The following SAMM50 variants were observed in gnomAD, a reference collection of about 807,000 sequenced individuals.
The protein encoded by SAMM50 is sorting and assembly machinery component 50 homolog.
A neutral mutation model predicts 66.9 loss-of-function variants in SAMM50; 47 were observed. That is an observed-to-expected ratio of 0.70 (90% CI 0.56 to 0.90). The LOEUF (loss-of-function observed/expected upper bound fraction) is 0.90. SAMM50 is among the 40% of genes least tolerant of loss of function. The pLI, the probability that SAMM50 is intolerant of heterozygous loss-of-function variation, is 0.00. For synonymous variants in SAMM50, 191 were observed against 214.1 expected (o/e 0.89, Z 0.94); for missense variants, 535 against 595.3 (o/e 0.90, Z 1.05).
At chr22:43,995,115 G>T (rs1001588162) in intron 14 of SAMM50, among the ~76,000 whole-genome samples, 7 of 152,200 alleles carry the variant, frequency 4.6e-5, no homozygotes, top group African/African-American at 1.7e-4. Flanking sequence ...TTAAGGCCAT[G>T]GATGTGGCTT....
At chr22:43,982,543 G>T (rs1417289887) in intron 11 of SAMM50, among the ~76,000 whole-genome samples, 1 of 152,154 alleles carries the variant, frequency 6.6e-6, no homozygotes, top group Non-Finnish European at 1.5e-5. Flanking sequence ...CCAGAGCCTG[G>T]GATGCAGCAG....
In SAMM50 at chr22:43,973,313, C is replaced by G; in HGVS notation, c.638C>G (p.Ala213Gly). ...SLRETDRGMSAEYSFPIWKTS... is the reference protein window; with the variant it reads ...SLRETDRGMSGEYSFPIWKTS... The stretch of plus-strand genomic sequence containing the variant: ...CGGGAGACGGACAGAGGAATGTCAG[C>G]TGAGTACAGTGTGAGTAGCATTTCA... Residue 213 changes from alanine to glycine, a missense_variant, in exon 7 of 15, where the codon GCT becomes GGT. Transcript: ENST00000350028. 1 of 1,591,078 alleles carries G rather than the reference C, an allele frequency of 6.3e-7. No individual in the cohort carries two copies. The highest frequency in any genetic ancestry group is 8.6e-7 in the Non-Finnish European group (1 of 1,158,996).
chr22:43,983,251 A>C lies in SAMM50; in HGVS notation c.1008-682A>C, dbSNP rs1603419889. ...CCTCTTGGCTGGAAAGATTACACAG[A>C]ATTTCTCTTGTCATTTAAATTCATT... On this transcript the variant is annotated intron_variant, in intron 11 of 14. Transcript: ENST00000350028. This position sits in a 1 kb window ranked among gnomAD's most constrained non-coding sequence, Gnocchi z 4.2. Among the ~76,000 whole-genome samples, 1 of 152,298 alleles carries C rather than the reference A, an allele frequency of 6.6e-6. No individual in the cohort carries two copies. Among genetic ancestry groups the C allele is most frequent in the East Asian group, 1.9e-4 (1 of 5,174 alleles).
chr22:43,984,651 CAG>C (rs1385407837), intron 12 of SAMM50, among the ~76,000 whole-genome samples: 3 of 139,888 alleles, frequency 2.1e-5, no homozygotes, highest in Non-Finnish European at 4.7e-5. Flanking sequence ...TATTTTGAGA[CAG>C]AGTCTCGCTC....
chr22:43,967,287 G>A (rs1319746030), intron 3 of SAMM50, among the ~76,000 whole-genome samples: 1 of 152,164 alleles, frequency 6.6e-6, no homozygotes, highest in African/African-American at 2.4e-5. Flanking sequence ...TTTCCTCATG[G>A]CATTGCCACA....
intron 3 of SAMM50, among the ~76,000 whole-genome samples, chr22:43,966,680 TCC>T (rs1175978073): frequency 2.6e-5 from 4 of 152,216 alleles, no homozygotes; most frequent in Non-Finnish European, 5.9e-5. Flanking sequence ...CTTACAGCAG[TCC>T]ATGAGACGGT....
intron 1 of SAMM50, among the ~76,000 whole-genome samples, chr22:43,956,242 T>C (rs573548992): frequency 6.6e-6 from 1 of 152,350 alleles, no homozygotes; most frequent in East Asian, 1.9e-4. Flanking sequence ...AAGGGCCAGA[T>C]AATGAGTTAC....
At chr22:43,968,226 C>CAAAAAAAAAAAAAAAAAAAAA (rs66961907) in intron 3 of SAMM50, among the ~76,000 whole-genome samples, 7 of 68,620 alleles carry the variant, frequency 1.0e-4, no homozygotes, top group Non-Finnish European at 1.1e-4. Context: ...AACTCTGTCT[C>CAAAAAAAAAAAAAAAAAAAAA]AAAAAAAAAA....
chr22:43,989,374 A>G (rs978595476), intron 13 of SAMM50, 117 bp downstream of exon 13: 13 of 1,067,376 alleles, frequency 1.2e-5, no homozygotes, highest in Non-Finnish European at 1.6e-5. Context: ...GTCTCGCTCT[A>G]TTGCCAGGCT....
intron 14 of SAMM50, among the ~76,000 whole-genome samples, chr22:43,991,314 T>C (rs1034218645): frequency 2.7e-5 from 4 of 149,280 alleles, no homozygotes; most frequent in Non-Finnish European, 5.9e-5. Context: ...GGTCTTTCTC[T>C]GTCACCCAGC....
At chr22:43,987,896 G>T (rs1555888834) in intron 12 of SAMM50, 1 of 105,946 alleles carries the variant, frequency 9.4e-6, no homozygotes, top group Non-Finnish European at 1.8e-5. Flanking sequence ...ACTGGAAACT[G>T]TGTATATATA....
intron 1 of SAMM50, among the ~76,000 whole-genome samples, chr22:43,961,966 C>T (rs1345092177): frequency 6.6e-6 from 1 of 151,984 alleles, no homozygotes; most frequent in Admixed American, 6.6e-5. Context: ...TCTCAAACTC[C>T]TAGGCTCAAG....
intron 12 of SAMM50, chr22:43,986,490 T>C (rs973831985): frequency 6.6e-6 from 1 of 152,210 alleles, no homozygotes; most frequent in Non-Finnish European, 1.5e-5. Flanking sequence ...GCTATGGAAC[T>C]TTAAAACATC....
intron 14 of SAMM50, among the ~76,000 whole-genome samples, chr22:43,991,454 G>A (rs1194969687): frequency 5.3e-5 from 8 of 151,982 alleles, no homozygotes; most frequent in African/African-American, 1.9e-4. Context: ...TGTAGAGACA[G>A]GGTTTTACCA....
At chr22:43,994,230 C>T (rs552324430) in intron 14 of SAMM50, among the ~76,000 whole-genome samples, 11 of 152,276 alleles carry the variant, frequency 7.2e-5, no homozygotes, top group South Asian at 2.1e-4. Flanking sequence ...GCGCTGTCGG[C>T]GGGCACCGGG....
chr22:43,974,882 T>G (rs900695115), intron 7 of SAMM50: 3 of 152,134 alleles, frequency 2.0e-5, no homozygotes, highest in Non-Finnish European at 4.4e-5. Context: ...AATACCTTAT[T>G]TTTTCACAAG....
chr22:43,956,128 G>A (rs998100369), intron 1 of SAMM50, among the ~76,000 whole-genome samples: 3 of 152,290 alleles, frequency 2.0e-5, no homozygotes, highest in Middle Eastern at 3.4e-3. Flanking sequence ...ACCTCGCCTG[G>A]CTTAAAAGAG....
intron 1 of SAMM50, among the ~76,000 whole-genome samples, chr22:43,956,558 C>A (rs991988193): frequency 2.0e-5 from 3 of 152,208 alleles, no homozygotes; most frequent in African/African-American, 7.2e-5. Context: ...TCAATACACT[C>A]AGACAGTGGG....
intron 14 of SAMM50, among the ~76,000 whole-genome samples, chr22:43,993,161 G>A (rs1419920898): frequency 1.3e-5 from 2 of 152,210 alleles, no homozygotes; most frequent in Non-Finnish European, 2.9e-5. Flanking sequence ...TTAAGTGGGT[G>A]GTTTTGAGTG....
Sources: allele counts gnomAD v4.1 joint callset (sites outside exome capture counted in the v4.1 genomes callset), GRCh38; gene constraint gnomAD v4.1.1; non-coding constraint Gnocchi (gnomAD v3.1); transcripts MANE v1.5; gene names NCBI Gene and HGNC (gene_info 2026-07-23, HGNC 2026-07-21).